SPATA13: variants seen among roughly 807,000 people sequenced by gnomAD.
The protein encoded by SPATA13 is spermatogenesis associated 13.
A neutral mutation model predicts 104.0 loss-of-function variants in SPATA13; 50 were observed. The ratio of observed to expected loss-of-function variants is 0.48; its 90% CI spans 0.38 to 0.61. SPATA13 has a LOEUF of 0.61. Ranked by LOEUF, SPATA13 falls within the 20% of genes least tolerant of loss-of-function variation. SPATA13 has a pLI of 0.00. For missense variants in SPATA13, 1,524 were observed against 1,690.6 expected (o/e 0.90, Z 1.73); for synonymous variants, 606 against 667.5 (o/e 0.91, Z 1.42).
chr13:24,206,110 C>T (rs1043879623), intron 1 of SPATA13, among the ~76,000 whole-genome samples: 40 of 152,088 alleles, frequency 2.6e-4, no homozygotes, highest in African/African-American at 8.0e-4. Flanking sequence ...CTCTGCACAG[C>T]AAAAGAAACC....
chr13:24,071,994 C>A (rs1320098236), intron 3 of SPATA13, among the ~76,000 whole-genome samples: 1 of 152,126 alleles, frequency 6.6e-6, no homozygotes, highest in Non-Finnish European at 1.5e-5. Flanking sequence ...CATGTGCTTG[C>A]TGTATTAATA....
chr13:24,204,540 A>G (rs75230854), intron 1 of SPATA13, among the ~76,000 whole-genome samples: 1,595 of 152,294 alleles, frequency 0.01, 23 homozygotes, highest in African/African-American at 0.032. Flanking sequence ...ACTACCATTC[A>G]TCTCGAGAAC....
At chr13:24,136,444 C>A (rs1429135810) in intron 3 of SPATA13, among the ~76,000 whole-genome samples, 2 of 151,438 alleles carry the variant, frequency 1.3e-5, no homozygotes, top group Non-Finnish European at 2.9e-5. Flanking sequence ...CCATTGCACT[C>A]CAGCCTGGGT....
chr13:24,213,951 T>C (rs1467480408), intron 1 of SPATA13, among the ~76,000 whole-genome samples: 2 of 152,264 alleles, frequency 1.3e-5, no homozygotes, highest in African/African-American at 4.8e-5. Flanking sequence ...GTATGATCCA[T>C]ACTCATGGAG....
chr13:24,287,086 C>A, intron 7 of SPATA13, 136 bp downstream of exon 7: 1 of 715,622 alleles, frequency 1.4e-6, no homozygotes, highest in Non-Finnish European at 2.2e-6. Flanking sequence ...CCTCTGCTGT[C>A]TGCACTGCTA....
intron 1 of SPATA13, among the ~76,000 whole-genome samples, chr13:24,193,758 G>T (rs552523534): frequency 2.0e-5 from 3 of 152,306 alleles, no homozygotes; most frequent in Non-Finnish European, 4.4e-5. Context: ...GAAGAAGTAG[G>T]GTTAGTGTGG....
At chr13:24,278,978 C>CTCCCTCCCTTCCTTCCT (rs1566188371) in intron 4 of SPATA13, among the ~76,000 whole-genome samples, 3 of 42,632 alleles carry the variant, frequency 7.0e-5, no homozygotes, top group African/African-American at 1.6e-4. Flanking sequence ...CCTTCCCTCC[C>CTCCCTCCCTTCCTTCCT]TCCCTCCCTC....
intron 1 of SPATA13, among the ~76,000 whole-genome samples, chr13:24,204,088 G>A (rs773882667): frequency 3.9e-5 from 6 of 152,216 alleles, no homozygotes; most frequent in Non-Finnish European, 8.8e-5. Context: ...GGGGAGTGTG[G>A]CTTCCTGAGA....
At position 24,138,680 on chromosome 13, in the gene SPATA13, C is replaced by T. The variant is rs886849799; in HGVS notation, c.-111-84139C>T. On this transcript the variant is annotated intron_variant, in intron 3 of 14. Transcript: ENST00000424834. ...CTCACTGCAGCCTTGAACTCCTGGG[C>T]TCAAGTGATTCTCCCACCTCAGCCT... 3.3e-5 allele frequency among the ~76,000 whole-genome samples: 5 copies of T among 151,800 alleles called. No individual in the cohort carries two copies. In the South Asian group the frequency reaches 6.2e-4, roughly 19 times the overall value.
chr13:24,075,110 C>T (rs1409602568), intron 3 of SPATA13, among the ~76,000 whole-genome samples: 2 of 152,236 alleles, frequency 1.3e-5, no homozygotes, highest in Admixed American at 1.3e-4. Flanking sequence ...AGACCCAGGT[C>T]CTGTGCCCCA....
chr13:24,022,039 T>C (rs1876999964), intron 3 of SPATA13, among the ~76,000 whole-genome samples: 1 of 145,054 alleles, frequency 6.9e-6, no homozygotes, highest in Admixed American at 6.9e-5. Flanking sequence ...ATGTTTCTTT[T>C]CTCTTTTCTT....
chr13:24,131,164 C>T (rs1374807100), intron 3 of SPATA13, among the ~76,000 whole-genome samples: 2 of 152,224 alleles, frequency 1.3e-5, no homozygotes, highest in African/African-American at 4.8e-5. Flanking sequence ...TTTAAGTCCA[C>T]TTATTAGGTG....
At chr13:24,246,284 G>A (rs1873126243) in intron 2 of SPATA13, among the ~76,000 whole-genome samples, 1 of 152,128 alleles carries the variant, frequency 6.6e-6, no homozygotes, top group Non-Finnish European at 1.5e-5. Context: ...TACTTAAGTT[G>A]TCTGTGCCAT....
At chr13:24,064,077 C>T (rs1334874947) in intron 3 of SPATA13, among the ~76,000 whole-genome samples, 1 of 152,180 alleles carries the variant, frequency 6.6e-6, no homozygotes, top group African/African-American at 2.4e-5. Flanking sequence ...ACCATGCCTG[C>T]CTACCCTTCC....
chr13:24,098,066 G>A (rs549266162), intron 3 of SPATA13, among the ~76,000 whole-genome samples: 1 of 152,184 alleles, frequency 6.6e-6, no homozygotes, highest in East Asian at 1.9e-4. Context: ...GCCCTAGAAG[G>A]CTATTAAAGA....
At chr13:24,113,863 G>A (rs139447497) in intron 3 of SPATA13, among the ~76,000 whole-genome samples, 184 of 95,452 alleles carry the variant, frequency 1.9e-3, no homozygotes, top group African/African-American at 7.6e-3. Flanking sequence ...AGTGAGACTC[G>A]ATCTCAAAAA....
At chr13:24,160,669 C>T, upstream of SPATA13, 1 of 857,296 alleles carries the variant, frequency 1.2e-6, no homozygotes, top group Non-Finnish European at 1.3e-6. Context: ...GGGGAAGAGC[C>T]GGGCTGGGGG....
chr13:24,023,478 C>T (rs1877075889), intron 3 of SPATA13, among the ~76,000 whole-genome samples: 1 of 152,062 alleles, frequency 6.6e-6, no homozygotes, highest in African/African-American at 2.4e-5. Context: ...GAATAATAGT[C>T]CCTGGAAGAT....
chr13:23,981,876 T>A (rs186748454), intron 1 of SPATA13, among the ~76,000 whole-genome samples: 1 of 152,228 alleles, frequency 6.6e-6, no homozygotes, highest in Non-Finnish European at 1.5e-5. Flanking sequence ...AAACAATAAC[T>A]GTGATGCAAT....
Sources: gnomAD v4.1 joint callset for allele counts (sites outside exome capture counted in the v4.1 genomes callset) on GRCh38, gnomAD v4.1.1 for gene constraint, MANE v1.5 for transcripts, NCBI Gene and HGNC (gene_info 2026-07-23, HGNC 2026-07-21) for gene names.